Variants in TBXAS1 observed in about 807,000 individuals in gnomAD.
TBXAS1 encodes thromboxane-A synthase.
A neutral mutation model predicts 60.7 loss-of-function variants in TBXAS1; 48 were observed. The ratio of observed to expected loss-of-function variants is 0.79; its 90% CI spans 0.63 to 1.01. TBXAS1 has a LOEUF of 1.01. Among genes scored for constraint, TBXAS1 ranks in the 50% least tolerant of loss-of-function variants. The pLI, the probability that TBXAS1 is intolerant of heterozygous loss-of-function variation, is 0.00. For missense variants in TBXAS1, 685 were observed against 686.3 expected (o/e 1.00, Z 0.02); for synonymous variants, 287 against 269.7 (o/e 1.06, Z -0.63).
At chr7:139,791,969 C>T (rs985256406) in intron 4 of TBXAS1, among the ~76,000 whole-genome samples, 64 of 151,958 alleles carry the variant, frequency 4.2e-4, no homozygotes, top group African/African-American at 1.5e-3. Flanking sequence ...TATTTTTTTC[C>T]TGTGGGAAGA....
chr7:139,985,117 AG>A (rs1812350097), intron 9 of TBXAS1, among the ~76,000 whole-genome samples: 1 of 152,332 alleles, frequency 6.6e-6, no homozygotes, highest in Admixed American at 6.5e-5. Context: ...TTCCTAAGGC[AG>A]GACTTTCCAC....
chr7:140,000,122 T>G (rs944180706), intron 9 of TBXAS1, among the ~76,000 whole-genome samples: 2 of 152,198 alleles, frequency 1.3e-5, no homozygotes, highest in African/African-American at 4.8e-5. Context: ...AGTACTGTTA[T>G]TTCCTACATA....
chr7:139,907,181 T>C (rs952793256), intron 3 of TBXAS1, among the ~76,000 whole-genome samples: 4 of 152,324 alleles, frequency 2.6e-5, no homozygotes, highest in African/African-American at 9.6e-5. Context: ...TTTTTGTAGA[T>C]GCCCTTTATC....
At chr7:139,935,660 C>A (rs1477643875) in intron 4 of TBXAS1, among the ~76,000 whole-genome samples, 1 of 151,826 alleles carries the variant, frequency 6.6e-6, no homozygotes, top group Non-Finnish European at 1.5e-5. Context: ...CTCCCGGAAG[C>A]AGTTCTCCTA....
chr7:139,934,889 T>C (rs1295273696), intron 4 of TBXAS1, among the ~76,000 whole-genome samples: 1 of 152,196 alleles, frequency 6.6e-6, no homozygotes, highest in African/African-American at 2.4e-5. Context: ...CTCAGCTCAC[T>C]GCAACCTCCG....
chr7:139,917,680 C>A (rs1485890291), intron 4 of TBXAS1, among the ~76,000 whole-genome samples: 2 of 152,194 alleles, frequency 1.3e-5, no homozygotes, highest in Non-Finnish European at 2.9e-5. Context: ...GCCTTGGGAA[C>A]ACAGGAATAG....
At position 139,994,146 on chromosome 7, in the gene TBXAS1, G is replaced by A. The variant is rs143547968; in HGVS notation, c.1135-12945G>A. Among the ~76,000 whole-genome samples, 92 of 152,044 alleles carry A rather than the reference G, an allele frequency of 6.1e-4. 1 individual carries two copies. In the East Asian group the frequency reaches 0.015, roughly 25 times the overall value. On this transcript the variant is annotated intron_variant, in intron 9 of 12. Coordinates refer to ENST00000448866, the MANE Select transcript of TBXAS1 (RefSeq NM_001061.7). Reference sequence around the variant, plus strand: ...AACCTCTGCCTCCCAGGTTCAGGTGGTTCTCCTGCCTCAGCCTCCCGCGTA... The same window carrying A: ...AACCTCTGCCTCCCAGGTTCAGGTGATTCTCCTGCCTCAGCCTCCCGCGTA...
chr7:139,805,698 C>CT (rs1257212487), intron 4 of TBXAS1, among the ~76,000 whole-genome samples: 1 of 31,092 alleles, frequency 3.2e-5, no homozygotes, highest in Non-Finnish European at 5.7e-5. Context: ...TTCTTTCTTT[C>CT]TTTCTTTCTT....
chr7:139,855,745 C>T (rs1800538562), intron 1 of TBXAS1, among the ~76,000 whole-genome samples: 1 of 152,132 alleles, frequency 6.6e-6, no homozygotes, highest in Non-Finnish European at 1.5e-5. Flanking sequence ...CTTCCTCTGA[C>T]CTAGGCAACG....
intron 9 of TBXAS1, among the ~76,000 whole-genome samples, chr7:139,984,800 AAGGG>A: frequency 6.7e-6 from 1 of 149,276 alleles, no homozygotes; most frequent in East Asian, 2.0e-4. Flanking sequence ...AAAGAAAGGG[AAGGG>A]GGAAAGAAAG....
At chr7:139,982,023 G>A (rs546433447) in intron 9 of TBXAS1, among the ~76,000 whole-genome samples, 2 of 152,278 alleles carry the variant, frequency 1.3e-5, no homozygotes, top group South Asian at 4.1e-4. Flanking sequence ...GCAGTTAAAA[G>A]TCTTAATCTT....
chr7:139,790,591 G>T (rs1797350886), intron 4 of TBXAS1, among the ~76,000 whole-genome samples: 1 of 152,172 alleles, frequency 6.6e-6, no homozygotes, highest in Non-Finnish European at 1.5e-5. Context: ...TTAGAGAAAA[G>T]AAATCAAGCT....
At position 139,905,073 on chromosome 7, in the gene TBXAS1, C is replaced by CTCTCTTTCTTTCTCTTTCTCCCTCTCTT. The variant is rs1554487253; in HGVS notation, c.237-6149_237-6148insCTTTCTTTCTCTTTCTCCCTCTCTTTCT. ...TTTCTTTCTTTCTCTCTCTCTCTCT[C>CTCTCTTTCTTTCTCTTTCTCCCTCTCTT]TCTTTCTCTTTCTCCCTCTCTCTCT... On this transcript the variant is annotated intron_variant, in intron 3 of 12. Coordinates refer to ENST00000448866, the MANE Select transcript of TBXAS1 (RefSeq NM_001061.7). Among the ~76,000 whole-genome samples, 19 of 102,612 alleles carry CTCTCTTTCTTTCTCTTTCTCCCTCTCTT rather than the reference C, an allele frequency of 1.9e-4. 1 individual carries two copies. Among genetic ancestry groups the CTCTCTTTCTTTCTCTTTCTCCCTCTCTT allele is most frequent in the African/African-American group, 8.1e-4 (17 of 20,876 alleles). 67.3% of individuals were successfully genotyped at this position (102,612 alleles called of 152,430 possible).
intron 1 of TBXAS1, among the ~76,000 whole-genome samples, chr7:139,859,493 A>G (rs1341711236): frequency 6.6e-6 from 1 of 152,158 alleles, no homozygotes; most frequent in East Asian, 1.9e-4. Flanking sequence ...GGCATAAGCC[A>G]CCGTGCCTGG....
At chr7:139,914,200 T>TA (rs3841775) in intron 4 of TBXAS1, among the ~76,000 whole-genome samples, 29 of 146,748 alleles carry the variant, frequency 2.0e-4, no homozygotes, top group African/African-American at 3.2e-4. Flanking sequence ...TGGCTAATTT[T>TA]AAAAAAAAAA....
At chr7:140,017,922 C>T (rs962556949) in intron 12 of TBXAS1, 89 bp downstream of exon 12, 3 of 1,565,790 alleles carry the variant, frequency 1.9e-6, no homozygotes, top group East Asian at 4.5e-5. Context: ...AGCCTGGGGG[C>T]AACATCAGGC....
At chr7:139,832,797 C>T (rs774057011) in intron 1 of TBXAS1, among the ~76,000 whole-genome samples, 11 of 152,164 alleles carry the variant, frequency 7.2e-5, no homozygotes, top group Non-Finnish European at 1.5e-4. Flanking sequence ...GGGATTGGGG[C>T]CCTGTCTTCC....
chr7:140,014,706 C>T (rs532519513), intron 10 of TBXAS1, among the ~76,000 whole-genome samples: 5 of 151,752 alleles, frequency 3.3e-5, no homozygotes, highest in East Asian at 3.9e-4. Flanking sequence ...GTCAGGAGTT[C>T]GAGACCAGCC....
chr7:139,925,878 A>G (rs944071968), intron 4 of TBXAS1, among the ~76,000 whole-genome samples: 1 of 152,212 alleles, frequency 6.6e-6, no homozygotes, highest in African/African-American at 2.4e-5. Flanking sequence ...CTTTTTTAGC[A>G]TCAATTGAAA....
Sources: gnomAD v4.1 joint callset for allele counts (sites outside exome capture counted in the v4.1 genomes callset) on GRCh38, gnomAD v4.1.1 for gene constraint, MANE v1.5 for transcripts, NCBI Gene and HGNC (gene_info 2026-07-23, HGNC 2026-07-21) for gene names.